The following CDC42BPA variants were observed in gnomAD, a reference collection of about 807,000 sequenced individuals.
CDC42BPA encodes the protein CDC42 binding protein kinase alpha.
In CDC42BPA, 80 loss-of-function variants were observed where a neutral mutation model predicts 223.5. The ratio of observed to expected loss-of-function variants is 0.36; its 90% CI spans 0.30 to 0.43. CDC42BPA has a LOEUF of 0.43. Among genes scored for constraint, CDC42BPA ranks in the 20% least tolerant of loss-of-function variants. The pLI, the probability that CDC42BPA is intolerant of heterozygous loss-of-function variation, is 1.00. For synonymous variants in CDC42BPA, 694 were observed against 718.6 expected, an observed-to-expected ratio of 0.97 and a Z score of 0.55; for missense variants, 1,743 against 2,099.9, an observed-to-expected ratio of 0.83 and a Z score of 3.32.
Position 226,990,348 on chromosome 1 carries a change from G to C in CDC42BPA, c.*3920C>G, listed in dbSNP as rs985283213. The C allele has an allele frequency of 1.3e-5, 2 of 152,242 alleles. No homozygotes were observed. The highest frequency in any genetic ancestry group is 2.4e-5 in the African/African-American group (1 of 41,450). 9.4% of individuals were successfully genotyped at this position (152,242 alleles called of 1,614,324 possible). On this transcript the variant is annotated 3_prime_UTR_variant, in exon 37 of 37. Coordinates refer to ENST00000366766, the MANE Select transcript of CDC42BPA (RefSeq NM_001394014.1). ...GGCCCAGCGTGCTGCCAGTGCTGGG[G>C]GGCAGGGCTTACACTCCTTATCTAG...
intron 2 of CDC42BPA, among the ~76,000 whole-genome samples, chr1:227,239,040 C>T (rs1470148382): frequency 1.3e-5 from 2 of 152,076 alleles, no homozygotes; most frequent in Non-Finnish European, 2.9e-5. Context: ...TTCAAGTGTA[C>T]ATGGAATGTT....
At chr1:226,999,474 C>G (rs1174601032) in intron 35 of CDC42BPA, among the ~76,000 whole-genome samples, 2 of 152,100 alleles carry the variant, frequency 1.3e-5, no homozygotes, top group African/African-American at 4.8e-5. Context: ...CCGCGCCCAG[C>G]CTAGGAATGC....
chr1:227,188,587 A>C (rs988659232), intron 5 of CDC42BPA, among the ~76,000 whole-genome samples: 4 of 152,212 alleles, frequency 2.6e-5, no homozygotes, highest in Non-Finnish European at 5.9e-5. Context: ...TAAGCGAGAG[A>C]AGCCAATCTG....
At chr1:227,266,811 G>A (rs1219229041) in intron 1 of CDC42BPA, among the ~76,000 whole-genome samples, 4 of 152,166 alleles carry the variant, frequency 2.6e-5, no homozygotes, top group Non-Finnish European at 5.9e-5. Flanking sequence ...AGCATTACTA[G>A]CTTCATTTTA....
chr1:227,273,864 A>C (rs1686414288), intron 1 of CDC42BPA, among the ~76,000 whole-genome samples: 1 of 151,624 alleles, frequency 6.6e-6, no homozygotes, highest in African/African-American at 2.4e-5. Context: ...AAGGAAAAAA[A>C]AAAAAAAAAC....
At chr1:227,084,527 C>CA (rs577067399) in intron 16 of CDC42BPA, among the ~76,000 whole-genome samples, 7,788 of 90,458 alleles carry the variant, frequency 0.086, 297 homozygotes, top group East Asian at 0.33. Context: ...GACTTCATCT[C>CA]AAAAAAAAAA....
chr1:227,043,356 C>A (rs1039340037), intron 23 of CDC42BPA, among the ~76,000 whole-genome samples: 7 of 148,830 alleles, frequency 4.7e-5, no homozygotes, highest in African/African-American at 1.7e-4. Context: ...GAGGCTGCAG[C>A]GAGCTGAGAT....
At chr1:227,283,639 C>T (rs72632807) in intron 1 of CDC42BPA, among the ~76,000 whole-genome samples, 14,879 of 152,086 alleles carry the variant, frequency 0.098, 1,175 homozygotes, top group East Asian at 0.36. Context: ...GACAGAAGTA[C>T]GGAGGGTGGA....
chr1:227,058,469 G>A (rs1236003590), intron 21 of CDC42BPA, among the ~76,000 whole-genome samples: 1 of 152,136 alleles, frequency 6.6e-6, no homozygotes, highest in South Asian at 2.1e-4. Context: ...GAGATGACTG[G>A]TGAACATTAC....
chr1:227,227,408 T>C (rs549610086), intron 2 of CDC42BPA, among the ~76,000 whole-genome samples: 6 of 152,232 alleles, frequency 3.9e-5, no homozygotes, highest in South Asian at 4.1e-4. Flanking sequence ...CCAATGAAAA[T>C]AACACTTTTT....
intron 25 of CDC42BPA, 119 bp downstream of exon 25, chr1:227,035,352 G>A: frequency 1.4e-6 from 1 of 710,790 alleles, no homozygotes; most frequent in Non-Finnish European, 2.3e-6. Context: ...AAAATTATTA[G>A]ATGAATTTTA....
At chr1:227,206,988 T>A (rs12723660) in intron 3 of CDC42BPA, among the ~76,000 whole-genome samples, 1 of 150,808 alleles carries the variant, frequency 6.6e-6, no homozygotes, top group East Asian at 2.0e-4. Context: ...TGTGCAGGTT[T>A]GTTACACATG....
intron 3 of CDC42BPA, among the ~76,000 whole-genome samples, chr1:227,200,071 T>C (rs1671449587): frequency 6.6e-6 from 1 of 152,142 alleles, no homozygotes; most frequent in Non-Finnish European, 1.5e-5. Flanking sequence ...CTGAAGTCAG[T>C]GGATAGTCCA....
At chr1:227,279,155 T>C (rs764476870) in intron 1 of CDC42BPA, among the ~76,000 whole-genome samples, 4 of 152,136 alleles carry the variant, frequency 2.6e-5, no homozygotes, top group Non-Finnish European at 5.9e-5. Flanking sequence ...TCTTCATGGA[T>C]GTGAGGATCC....
chr1:227,315,265 A>G (rs946704253), intron 1 of CDC42BPA, among the ~76,000 whole-genome samples: 1 of 152,062 alleles, frequency 6.6e-6, no homozygotes, highest in Admixed American at 6.5e-5. Context: ...TTATACATAT[A>G]TAAGAAACAA....
chr1:227,157,062 A>G lies in CDC42BPA; in HGVS notation c.693+3481T>C, dbSNP rs139371660. Among the ~76,000 whole-genome samples, 142 of 152,292 alleles carry G rather than the reference A, an allele frequency of 9.3e-4. 1 individual carries two copies. Among genetic ancestry groups the G allele is most frequent in the African/African-American group, 3.1e-3 (128 of 41,548 alleles). On this transcript the variant is annotated intron_variant, in intron 6 of 36. Coordinates refer to ENST00000366766, the MANE Select transcript of CDC42BPA (RefSeq NM_001394014.1). ...CATATCTTCCATTGTTTATGTGACT[A>G]TTGTCATATCCTTTACTTCTACATG...
chr1:227,264,348 G>T (rs1684617291), intron 1 of CDC42BPA, among the ~76,000 whole-genome samples: 1 of 151,484 alleles, frequency 6.6e-6, no homozygotes, highest in African/African-American at 2.4e-5. Context: ...TGTATCTGAG[G>T]ATCATGTACT....
chr1:227,082,714 C>CAAAAA lies in CDC42BPA; in HGVS notation c.2356-1702_2356-1698dup, dbSNP rs71574595. Among the ~76,000 whole-genome samples, 51 of 59,516 alleles carry CAAAAA rather than the reference C, an allele frequency of 8.6e-4. 4 individuals carry two copies. The East Asian group carries it at 8.7e-3, about 10-fold the overall frequency. The allele number at this position is 59,516 out of a possible 152,430, so 39.0% of individuals were successfully genotyped here. ...TGGGTGACAGAATGAGACTCTGTCTCAAAAAAAAAAAAAAAAAAAAAAAAA... is the reference window on the plus strand; with the variant it reads ...TGGGTGACAGAATGAGACTCTGTCTCAAAAAAAAAAAAAAAAAAAAAAAAAAAAAA... On this transcript the variant is annotated intron_variant, in intron 16 of 36. Transcript: ENST00000366766.
chr1:227,264,047 T>C (rs1684568057), intron 1 of CDC42BPA, among the ~76,000 whole-genome samples: 1 of 152,216 alleles, frequency 6.6e-6, no homozygotes, highest in African/African-American at 2.4e-5. Flanking sequence ...ATATAATTTA[T>C]ACTTCCTGAA....
Sources: gnomAD v4.1 joint callset for allele counts (sites outside exome capture counted in the v4.1 genomes callset) on GRCh38, gnomAD v4.1.1 for gene constraint, MANE v1.5 for transcripts, NCBI Gene and HGNC (gene_info 2026-07-23, HGNC 2026-07-21) for gene names.